Variants in PLS1 observed in about 807,000 individuals in gnomAD.
PLS1 encodes plastin 1.
In PLS1, 32 loss-of-function variants were observed where a neutral mutation model predicts 73.7. The observed-to-expected ratio is 0.43, with a 90% confidence interval of 0.33 to 0.58. The LOEUF (loss-of-function observed/expected upper bound fraction) is 0.58. Ranked by LOEUF, PLS1 falls within the 20% of genes least tolerant of loss-of-function variation. The pLI is 0.04. For missense variants in PLS1, 633 were observed against 740.5 expected, an observed-to-expected ratio of 0.85 and a Z score of 1.68; for synonymous variants, 217 against 261.3, an observed-to-expected ratio of 0.83 and a Z score of 1.63.
intron 14 of PLS1, among the ~76,000 whole-genome samples, chr3:142,711,078 A>G (rs986700453): frequency 4.6e-5 from 7 of 152,184 alleles, no homozygotes; most frequent in African/African-American, 1.4e-4. Flanking sequence ...TGTCTTTGTA[A>G]GTGTTAGTTC....
At chr3:142,669,025 T>C (rs185513271) in intron 2 of PLS1, among the ~76,000 whole-genome samples, 2 of 152,280 alleles carry the variant, frequency 1.3e-5, no homozygotes, top group East Asian at 1.9e-4. Context: ...GATTTAAATA[T>C]ATACAAAGTT....
At chr3:142,662,231 G>A (rs1037734567) in intron 1 of PLS1, among the ~76,000 whole-genome samples, 51 of 152,192 alleles carry the variant, frequency 3.4e-4, no homozygotes, top group East Asian at 1.5e-3. Flanking sequence ...ATACTATGCA[G>A]CCATAAAAAA....
At chr3:142,601,386 T>G (rs892943437) in intron 1 of PLS1, among the ~76,000 whole-genome samples, 2 of 152,192 alleles carry the variant, frequency 1.3e-5, no homozygotes, top group East Asian at 3.9e-4. Flanking sequence ...GACAAATATC[T>G]TTCTTAAAAT....
intron 1 of PLS1, among the ~76,000 whole-genome samples, chr3:142,642,020 C>T (rs1264269629): frequency 6.6e-6 from 1 of 152,064 alleles, no homozygotes; most frequent in Non-Finnish European, 1.5e-5. Flanking sequence ...TGCAGCTTCC[C>T]ACTTCATATC....
intron 1 of PLS1, among the ~76,000 whole-genome samples, chr3:142,635,853 TTTTG>T (rs746020761): frequency 1.1e-3 from 167 of 151,972 alleles, no homozygotes; most frequent in Non-Finnish European, 2.2e-3. Context: ...TTCTAGAGCT[TTTTG>T]TTTGTTTGTG....
chr3:142,645,141 GTTAA>G (rs1209800533), intron 1 of PLS1, among the ~76,000 whole-genome samples: 79 of 152,238 alleles, frequency 5.2e-4, no homozygotes, highest in African/African-American at 1.6e-3. Context: ...TAATTTGATA[GTTAA>G]TTATTTGTTA....
chr3:142,703,121 T>A (rs1007601522), intron 12 of PLS1, among the ~76,000 whole-genome samples: 1 of 152,164 alleles, frequency 6.6e-6, no homozygotes, highest in Admixed American at 6.6e-5. Flanking sequence ...GTAAAGAATA[T>A]CGGAGATGAA....
In PLS1 at chr3:142,694,456, G is replaced by C. The variant is rs771985833; in HGVS notation, c.1178-13G>C. ...TGTCCTGAGTCATCAGTGTGAGCTTGTGTCTACTCTAGGAGAGAGCAAGGA... is the reference window on the plus strand; with the variant it reads ...TGTCCTGAGTCATCAGTGTGAGCTTCTGTCTACTCTAGGAGAGAGCAAGGA... On this transcript the variant is annotated splice_polypyrimidine_tract_variant and intron_variant, in intron 10 of 15. Transcript: ENST00000457734. 6.4e-7 allele frequency: 1 copy of C among 1,560,840 alleles called. No homozygotes were observed. Among genetic ancestry groups the C allele is most frequent in the Non-Finnish European group, 8.8e-7 (1 of 1,133,100 alleles).
chr3:142,694,411 A>C (rs575348400), intron 10 of PLS1, 58 bp from the exon 11 acceptor site: 198 of 1,082,482 alleles, frequency 1.8e-4, no homozygotes, highest in Non-Finnish European at 2.5e-4. Context: ...ATGGTTTAAC[A>C]TATAGTTCCT....
intron 13 of PLS1, 150 bp downstream of exon 13, chr3:142,704,151 G>T: frequency 1.6e-6 from 1 of 619,400 alleles, no homozygotes; most frequent in Non-Finnish European, 2.6e-6. Flanking sequence ...TGTTGATTAT[G>T]GTTTTTTTGT....
At chr3:142,610,536 T>A (rs1204897918) in intron 1 of PLS1, among the ~76,000 whole-genome samples, 1 of 152,178 alleles carries the variant, frequency 6.6e-6, no homozygotes, top group Non-Finnish European at 1.5e-5. Flanking sequence ...TTTTTTAATA[T>A]AATTTTTTCC....
chr3:142,685,367 A>T (rs1473042022), intron 8 of PLS1, among the ~76,000 whole-genome samples: 1 of 152,206 alleles, frequency 6.6e-6, no homozygotes, highest in South Asian at 2.1e-4. Context: ...TCAGTTATCT[A>T]TTGCTATATA....
In PLS1 at chr3:142,713,462, C is replaced by A. The variant is rs927904788; in HGVS notation, c.*1455C>A. ...ATATATTCTTCTACAAAAGAGATTT[C>A]TTTCCCTTTTATATTTTGATGATTG... On this transcript the variant is annotated 3_prime_UTR_variant, in exon 16 of 16. Coordinates refer to ENST00000457734, the MANE Select transcript of PLS1 (RefSeq NM_001145319.2). 1 of 152,450 alleles carries A rather than the reference C, an allele frequency of 6.6e-6. No individual in the cohort carries two copies. The highest frequency in any genetic ancestry group is 1.9e-4 in the East Asian group (1 of 5,192). 9.4% of individuals were successfully genotyped at this position (152,450 alleles called of 1,614,324 possible).
At chr3:142,631,664 G>GAAAAAAAAA (rs71153981) in intron 1 of PLS1, among the ~76,000 whole-genome samples, 1 of 39,426 alleles carries the variant, frequency 2.5e-5, no homozygotes, top group African/African-American at 1.0e-4. Context: ...CCTGTCTCTA[G>GAAAAAAAAA]AAAAAAAAAA....
chr3:142,599,333 T>A lies in PLS1; in HGVS notation c.-37+2824T>A, dbSNP rs924935528. 9.5e-4 allele frequency among the ~76,000 whole-genome samples: 133 copies of A among 139,620 alleles called. 1 individual carries two copies. The highest frequency in any genetic ancestry group is 3.4e-3 in the African/African-American group (127 of 37,090). The allele number at this position is 139,620 out of a possible 152,430, so 91.6% of individuals were successfully genotyped here. ...AGGGACTCAGATATTCTTTTTTTTT[T>A]TTTTTTTTTTTTTTGAGATGGAGTC... On this transcript the variant is annotated intron_variant, in intron 1 of 15. Coordinates refer to ENST00000457734, the MANE Select transcript of PLS1 (RefSeq NM_001145319.2).
At chr3:142,648,524 T>C (rs6801201) in intron 1 of PLS1, among the ~76,000 whole-genome samples, 2,758 of 152,244 alleles carry the variant, frequency 0.018, 82 homozygotes, top group African/African-American at 0.062. Context: ...AAATAGAGAA[T>C]TGGGCAGCTT....
intron 1 of PLS1, among the ~76,000 whole-genome samples, chr3:142,657,494 T>G (rs1047311281): frequency 6.6e-6 from 1 of 152,228 alleles, no homozygotes; most frequent in Non-Finnish European, 1.5e-5. Context: ...TTTTGTTTTG[T>G]TTTGTTTGTT....
At chr3:142,607,938 G>A (rs757070284) in intron 1 of PLS1, among the ~76,000 whole-genome samples, 123 of 151,828 alleles carry the variant, frequency 8.1e-4, no homozygotes, top group Non-Finnish European at 1.3e-3. Flanking sequence ...AGGGCAACTT[G>A]ATCAGAATTG....
intron 1 of PLS1, among the ~76,000 whole-genome samples, chr3:142,618,305 G>A (rs912261231): frequency 5.9e-5 from 9 of 152,030 alleles, no homozygotes; most frequent in African/African-American, 9.7e-5. Flanking sequence ...CTGTTCTCTC[G>A]TGGACAATCC....
Sources: gnomAD v4.1 joint callset for allele counts (sites outside exome capture counted in the v4.1 genomes callset) on GRCh38, gnomAD v4.1.1 for gene constraint, MANE v1.5 for transcripts, NCBI Gene and HGNC (gene_info 2026-07-23, HGNC 2026-07-21) for gene names.